EPC1: variants seen among roughly 807,000 people sequenced by gnomAD.
EPC1 encodes enhancer of polycomb 1.
Under a neutral mutation model 98.4 loss-of-function variants are expected in EPC1, and 12 were observed. That is an observed-to-expected ratio of 0.12 (90% CI 0.08 to 0.20). The LOEUF (loss-of-function observed/expected upper bound fraction) is 0.20, where lower values mean the gene tolerates loss of function less well. EPC1 is among the 10% of genes least tolerant of loss of function. The probability of loss-of-function intolerance (pLI) is 1.00; values close to 1 mark genes in which losing one functional copy is unlikely to be tolerated. For synonymous variants in EPC1, 357 were observed against 363.9 expected (o/e 0.98, Z 0.21); for missense variants, 729 against 990.5 (o/e 0.74, Z 3.54).
intron 1 of EPC1, among the ~76,000 whole-genome samples, chr10:32,319,167 A>G (rs558734934): frequency 6.6e-6 from 1 of 152,338 alleles, no homozygotes; most frequent in Non-Finnish European, 1.5e-5. Flanking sequence ...ATTATGTAAT[A>G]CTATGGTAAC....
intron 1 of EPC1, among the ~76,000 whole-genome samples, chr10:32,364,002 AT>A (rs35887256): frequency 1.3e-3 from 88 of 69,274 alleles, no homozygotes; most frequent in African/African-American, 5.6e-3. Flanking sequence ...TCATGTTGGC[AT>A]TTTTTTTTTT....
chr10:32,312,428 C>T (rs761061957), intron 1 of EPC1, among the ~76,000 whole-genome samples: 1 of 152,174 alleles, frequency 6.6e-6, no homozygotes, highest in Non-Finnish European at 1.5e-5. Context: ...GAAAAAGACA[C>T]AACTGAGCCT....
intron 8 of EPC1, 30 bp downstream of exon 8, chr10:32,286,892 AGTTT>A: frequency 1.9e-6 from 3 of 1,610,578 alleles, no homozygotes; most frequent in Non-Finnish European, 2.5e-6. Context: ...AAAGGTAAAT[AGTTT>A]GTTATTTACA....
chr10:32,332,777 T>C (rs1022235352), intron 1 of EPC1, among the ~76,000 whole-genome samples: 1 of 152,236 alleles, frequency 6.6e-6, no homozygotes, highest in African/African-American at 2.4e-5. Flanking sequence ...GGTAATTAGT[T>C]ACATAGTAAT....
chr10:32,357,250 C>G (rs1352666645), intron 1 of EPC1, among the ~76,000 whole-genome samples: 1 of 152,222 alleles, frequency 6.6e-6, no homozygotes, highest in African/African-American at 2.4e-5. Flanking sequence ...ACATGAATTA[C>G]TGACACAGGT....
At chr10:32,291,466 A>T in intron 5 of EPC1, 144 bp from the exon 6 acceptor site, 2 of 629,432 alleles carry the variant, frequency 3.2e-6, no homozygotes, top group South Asian at 2.6e-5. Flanking sequence ...CCTTGTGTGT[A>T]TATGTGGTGA....
chr10:32,280,355 G>A (rs1029027140), intron 10 of EPC1, among the ~76,000 whole-genome samples: 2 of 151,994 alleles, frequency 1.3e-5, no homozygotes, highest in African/African-American at 4.8e-5. Context: ...GGGAGGCTGA[G>A]GCATGAGAAT....
At chr10:32,317,748 T>G (rs1183695181) in intron 1 of EPC1, among the ~76,000 whole-genome samples, 4 of 152,210 alleles carry the variant, frequency 2.6e-5, no homozygotes, top group African/African-American at 9.7e-5. Flanking sequence ...AAAGAGCAAT[T>G]TAATATCTAT....
chr10:32,306,085 T>C (rs2132821159), intron 1 of EPC1, among the ~76,000 whole-genome samples, 154 bp from the exon 2 acceptor site: 1 of 152,324 alleles, frequency 6.6e-6, no homozygotes, highest in South Asian at 2.1e-4. Context: ...ATACAACTAG[T>C]GATAAAATCA....
intron 2 of EPC1, among the ~76,000 whole-genome samples, chr10:32,304,053 T>G (rs1444524942): frequency 6.6e-6 from 1 of 152,226 alleles, no homozygotes; most frequent in Non-Finnish European, 1.5e-5. Context: ...ATAAAAAATT[T>G]TCTCCCAAAT....
At chr10:32,332,779 C>T (rs898843181) in intron 1 of EPC1, among the ~76,000 whole-genome samples, 2 of 152,186 alleles carry the variant, frequency 1.3e-5, no homozygotes, top group African/African-American at 4.8e-5. Flanking sequence ...TAATTAGTTA[C>T]ATAGTAATAG....
intron 1 of EPC1, among the ~76,000 whole-genome samples, chr10:32,319,988 G>A (rs1836796011): frequency 6.6e-6 from 1 of 152,102 alleles, no homozygotes; most frequent in South Asian, 2.1e-4. Context: ...CGACATCCAT[G>A]AAACTATTTA....
intron 1 of EPC1, among the ~76,000 whole-genome samples, chr10:32,314,544 C>T (rs1836441847): frequency 6.6e-6 from 1 of 152,108 alleles, no homozygotes; most frequent in Non-Finnish European, 1.5e-5. Flanking sequence ...TTTTCCTTAC[C>T]CATCTCCCTC....
chr10:32,315,216 T>C (rs1191685194), intron 1 of EPC1, among the ~76,000 whole-genome samples: 1 of 152,190 alleles, frequency 6.6e-6, no homozygotes, highest in East Asian at 1.9e-4. Flanking sequence ...TGGCTTACTG[T>C]AGGCGCTCAG....
intron 10 of EPC1, among the ~76,000 whole-genome samples, chr10:32,279,347 T>TA (rs397972135): frequency 0.037 from 4,857 of 130,286 alleles, 246 homozygotes; most frequent in African/African-American, 0.12. Flanking sequence ...GACTCTGTCT[T>TA]AAAAAAAAAA....
chr10:32,336,436 T>C (rs1837980444), intron 1 of EPC1, among the ~76,000 whole-genome samples: 1 of 152,114 alleles, frequency 6.6e-6, no homozygotes, highest in Non-Finnish European at 1.5e-5. Context: ...ACATTGACCC[T>C]TGACAAACCC....
chr10:32,339,121 C>T (rs1838168674), intron 1 of EPC1, among the ~76,000 whole-genome samples: 1 of 152,054 alleles, frequency 6.6e-6, no homozygotes, highest in African/African-American at 2.4e-5. Context: ...TATCCATGCA[C>T]CTTTACTTCC....
chr10:32,300,659 C>T (rs1450974950), intron 2 of EPC1, among the ~76,000 whole-genome samples: 3 of 151,788 alleles, frequency 2.0e-5, no homozygotes, highest in African/African-American at 7.3e-5. Context: ...GTCTCGAACT[C>T]CCGACCCCAG....
chr10:32,345,675 C>G (rs1177029706), intron 1 of EPC1: 2 of 969,258 alleles, frequency 2.1e-6, no homozygotes, highest in Non-Finnish European at 1.2e-6. Flanking sequence ...AACCCAACTT[C>G]CACAACAAGG....
Sources: allele counts gnomAD v4.1 joint callset (sites outside exome capture counted in the v4.1 genomes callset), GRCh38; gene constraint gnomAD v4.1.1; transcripts MANE v1.5; gene names NCBI Gene and HGNC (gene_info 2026-07-23, HGNC 2026-07-21).